ARHGAP24: variants seen among roughly 807,000 people sequenced by gnomAD.
ARHGAP24 encodes rho GTPase-activating protein 24.
In ARHGAP24, 50 loss-of-function variants were observed where a neutral mutation model predicts 76.4. The observed-to-expected ratio is 0.65, with a 90% CI of 0.52 to 0.83. ARHGAP24 has a LOEUF of 0.83. ARHGAP24 is among the 40% of genes least tolerant of loss of function. The probability of loss-of-function intolerance (pLI) is 0.00; values close to 1 mark genes in which losing one functional copy is unlikely to be tolerated. For synonymous variants in ARHGAP24, 345 were observed against 323.3 expected (o/e 1.07, Z -0.72); for missense variants, 930 against 914.2 (o/e 1.02, Z -0.22).
intron 2 of ARHGAP24, among the ~76,000 whole-genome samples, chr4:85,589,868 C>G (rs766415060): frequency 7.9e-5 from 12 of 152,104 alleles, no homozygotes; most frequent in Non-Finnish European, 1.3e-4. Context: ...CAAAATAATT[C>G]CTTCTTAATT....
At chr4:85,501,587 ATTTG>A (rs1723818842) in intron 1 of ARHGAP24, among the ~76,000 whole-genome samples, 2 of 152,130 alleles carry the variant, frequency 1.3e-5, no homozygotes, top group South Asian at 4.2e-4. Context: ...TTTCTTGTGA[ATTTG>A]TTTAAGTTCT....
intron 3 of ARHGAP24, among the ~76,000 whole-genome samples, chr4:85,882,902 G>A (rs946611997): frequency 6.6e-6 from 1 of 152,160 alleles, no homozygotes; most frequent in Admixed American, 6.5e-5. Flanking sequence ...TGTTGGGCAG[G>A]ACACAACTTG....
intron 1 of ARHGAP24, among the ~76,000 whole-genome samples, chr4:85,537,212 A>T (rs1357271860): frequency 6.6e-6 from 1 of 152,138 alleles, no homozygotes; most frequent in Non-Finnish European, 1.5e-5. Context: ...TACACGAAGG[A>T]ATTATAAGAC....
At chr4:85,492,998 G>A (rs1252780699) in intron 1 of ARHGAP24, among the ~76,000 whole-genome samples, 1 of 152,058 alleles carries the variant, frequency 6.6e-6, no homozygotes, top group African/African-American at 2.4e-5. Flanking sequence ...TGACACTTTT[G>A]AAGTCTAGTG....
At chr4:85,835,592 GAAAAATGGTTCTA>G (rs1730236492) in intron 3 of ARHGAP24, among the ~76,000 whole-genome samples, 1 of 150,846 alleles carries the variant, frequency 6.6e-6, no homozygotes, top group Non-Finnish European at 1.5e-5. Flanking sequence ...TTTCATTGTA[GAAAAATGGTTCTA>G]AAAAGGAAAG....
At chr4:85,946,733 G>A (rs532164882) in intron 5 of ARHGAP24, among the ~76,000 whole-genome samples, 14 of 152,224 alleles carry the variant, frequency 9.2e-5, no homozygotes, top group Admixed American at 3.9e-4. Context: ...GTCCACCATC[G>A]ATGGCCACTT....
intron 2 of ARHGAP24, among the ~76,000 whole-genome samples, chr4:85,626,015 T>C (rs1720940699): frequency 6.6e-6 from 1 of 152,258 alleles, no homozygotes; most frequent in South Asian, 2.1e-4. Flanking sequence ...GGGTCTTGAC[T>C]CTTTATCCAA....
intron 1 of ARHGAP24, among the ~76,000 whole-genome samples, chr4:85,494,832 C>T (rs1052293447): frequency 6.6e-6 from 1 of 152,038 alleles, no homozygotes; most frequent in African/African-American, 2.4e-5. Flanking sequence ...GGCGCGATGG[C>T]TCACGCCTGT....
chr4:85,534,303 T>G (rs1013842861), intron 1 of ARHGAP24, among the ~76,000 whole-genome samples: 1 of 152,268 alleles, frequency 6.6e-6, no homozygotes, highest in African/African-American at 2.4e-5. Context: ...CACTTGATCC[T>G]CCCGTTTCCT....
chr4:85,938,470 AT>A (rs1284049957), intron 4 of ARHGAP24, among the ~76,000 whole-genome samples: 2 of 152,204 alleles, frequency 1.3e-5, no homozygotes, highest in Non-Finnish European at 2.9e-5. Flanking sequence ...AAATTTTTAA[AT>A]AAATCTGTTT....
chr4:85,952,942 G>A (rs1017096841), intron 5 of ARHGAP24, among the ~76,000 whole-genome samples: 28 of 151,928 alleles, frequency 1.8e-4, no homozygotes, highest in Non-Finnish European at 2.9e-4. Flanking sequence ...AGTTTTGAGG[G>A]GACAAAAATG....
chr4:85,601,549 A>G (rs1012649224), intron 2 of ARHGAP24, among the ~76,000 whole-genome samples: 86 of 152,234 alleles, frequency 5.6e-4, no homozygotes, highest in Admixed American at 1.1e-3. Flanking sequence ...GATGCTTGGC[A>G]ACCCCCAGTT....
rs1740295087 is a variant in ARHGAP24, at chr4:85,991,149, G to A, written c.929-3434G>A. The A allele has an allele frequency of 2.6e-5, 4 of 152,042 alleles. No homozygotes were observed. The South Asian group carries it at 8.3e-4, about 31-fold the overall frequency. 9.4% of individuals were successfully genotyped at this position (152,042 alleles called of 1,614,324 possible). A position where few individuals can be genotyped will look rare whatever the true frequency, so the allele number is the denominator to read the frequency against. On this transcript the variant is annotated intron_variant, in intron 8 of 9. Coordinates refer to ENST00000395184, the MANE Select transcript of ARHGAP24 (RefSeq NM_001025616.3). ...CAAATAATACATGGAAGGATGCTCA[G>A]CATCTTTAGTCATTAGAAAAACTAA...
rs1578277087 is a variant in ARHGAP24, at chr4:85,835,656, C to T, written c.269-87992C>T. Among the ~76,000 whole-genome samples the T allele has an allele frequency of 1.3e-5, 2 of 151,414 alleles. 1 individual carries two copies. The highest frequency in any genetic ancestry group is 4.2e-4 in the South Asian group (2 of 4,792). The stretch of plus-strand genomic sequence containing the variant: ...CTAATGAGGTGGAAAGGATGTGAAG[C>T]GATAGAATGTGATAACGATTTGTAT... On this transcript the variant is annotated intron_variant, in intron 3 of 9. Transcript: ENST00000395184.
At chr4:85,650,283 A>G (rs1193118010) in intron 2 of ARHGAP24, among the ~76,000 whole-genome samples, 1 of 149,546 alleles carries the variant, frequency 6.7e-6, no homozygotes, top group East Asian at 1.9e-4. Flanking sequence ...AAGTCCAACA[A>G]TTTTTCACAA....
chr4:85,602,129 G>A (rs775951357), intron 2 of ARHGAP24, among the ~76,000 whole-genome samples: 25 of 152,112 alleles, frequency 1.6e-4, no homozygotes, highest in Non-Finnish European at 2.9e-4. Context: ...GCTATTTCCA[G>A]AATTTTATCT....
intron 1 of ARHGAP24, among the ~76,000 whole-genome samples, chr4:85,568,125 G>A (rs563039326): frequency 3.2e-4 from 48 of 152,280 alleles, no homozygotes; most frequent in Non-Finnish European, 5.6e-4. Context: ...GTACACAAAA[G>A]GGGAAATATC....
chr4:85,605,868 G>A (rs973949581), intron 2 of ARHGAP24, among the ~76,000 whole-genome samples: 1 of 152,160 alleles, frequency 6.6e-6, no homozygotes, highest in African/African-American at 2.4e-5. Flanking sequence ...GTCTGAAAAG[G>A]TTACAGGGAA....
intron 1 of ARHGAP24, among the ~76,000 whole-genome samples, chr4:85,515,693 G>T (rs1724471190): frequency 6.6e-6 from 1 of 151,864 alleles, no homozygotes; most frequent in Non-Finnish European, 1.5e-5. Flanking sequence ...AGTCTCCTAT[G>T]GATGGGCGTT....
Sources: gnomAD v4.1 joint callset for allele counts (sites outside exome capture counted in the v4.1 genomes callset) on GRCh38, gnomAD v4.1.1 for gene constraint, MANE v1.5 for transcripts, NCBI Gene and HGNC (gene_info 2026-07-23, HGNC 2026-07-21) for gene names.